The following SYF2 variants were observed in gnomAD, a reference collection of about 807,000 sequenced individuals.
The protein encoded by SYF2 is pre-mRNA-splicing factor SYF2.
In SYF2, 21 loss-of-function variants were observed where a neutral mutation model predicts 32.7. The observed-to-expected ratio is 0.64, with a 90% confidence interval of 0.45 to 0.92. The LOEUF is 0.92. Ranked by LOEUF, SYF2 falls within the 40% of genes least tolerant of loss-of-function variation. SYF2 has a pLI of 0.00. For missense variants in SYF2, 278 were observed against 296.5 expected (o/e 0.94, Z 0.46); for synonymous variants, 114 against 103.9 (o/e 1.10, Z -0.59).
chr1:25,227,407 A>G, intron 5 of SYF2, 35 bp downstream of exon 5: 1 of 1,543,882 alleles, frequency 6.5e-7, no homozygotes, highest in Non-Finnish European at 8.9e-7. Context: ...ACACACAAAT[A>G]CATCCACATC....
intron 2 of SYF2, chr1:25,231,455 T>C (rs1346799562): frequency 6.6e-6 from 1 of 152,518 alleles, no homozygotes; most frequent in East Asian, 1.9e-4. Flanking sequence ...CCTTTAGTTG[T>C]CTGGCTTTCA....
intron 1 of SYF2, 89 bp downstream of exon 1, chr1:25,232,355 C>G: frequency 6.2e-7 from 1 of 1,608,822 alleles, no homozygotes; most frequent in South Asian, 1.1e-5. Flanking sequence ...CTCCCTGAAG[C>G]GAAACTAGAC....
chr1:25,222,861 C>G lies in SYF2; in HGVS notation c.*405G>C, dbSNP rs1638435363. 6.3e-6 allele frequency: 1 copy of G among 157,742 alleles called. No homozygotes were observed. The highest frequency in any genetic ancestry group is 2.4e-5 in the African/African-American group (1 of 41,464). 9.8% of individuals were successfully genotyped at this position (157,742 alleles called of 1,614,324 possible). A position where few individuals can be genotyped will look rare whatever the true frequency, so the allele number is the denominator to read the frequency against. On this transcript the variant is annotated 3_prime_UTR_variant, in exon 7 of 7. Coordinates refer to ENST00000236273, the MANE Select transcript of SYF2 (RefSeq NM_015484.5). ...TCACTGTCCTTAGCTTTGGAGTACA[C>G]AACTCCAAGTGGCCCGAGTCTAGAC...
Position 25,222,288 on chromosome 1 carries a change from C to T in SYF2, c.*978G>A, listed in dbSNP as rs1327965549. On this transcript the variant is annotated 3_prime_UTR_variant, in exon 7 of 7. Transcript: ENST00000236273. Reference sequence around the variant, plus strand: ...TAAAATATCCCAATTAGATATTTAGCATTTAATTCAACATAGAGAAAAAAT... The same window carrying T: ...TAAAATATCCCAATTAGATATTTAGTATTTAATTCAACATAGAGAAAAAAT... Among the ~76,000 whole-genome samples the T allele has an allele frequency of 6.6e-6, 1 of 152,142 alleles. No individual in the cohort carries two copies. The highest frequency in any genetic ancestry group is 1.5e-5 in the Non-Finnish European group (1 of 68,044).
chr1:25,223,146 G>T lies in SYF2; in HGVS notation c.*120C>A. 1 of 852,590 alleles carries T rather than the reference G, an allele frequency of 1.2e-6. No individual in the cohort carries two copies. The highest frequency in any genetic ancestry group is 1.8e-6 in the Non-Finnish European group (1 of 561,926). The allele number at this position is 852,590 out of a possible 1,614,324, so 52.8% of individuals were successfully genotyped here. A position where few individuals can be genotyped will look rare whatever the true frequency, so the allele number is the denominator to read the frequency against. ...AACCACATTTTTATTTCTAAATGCT[G>T]AGTGAGAAGGCATGGACTACTAAAT... On this transcript the variant is annotated 3_prime_UTR_variant, in exon 7 of 7. Transcript: ENST00000236273.
chr1:25,232,035 C>G, intron 2 of SYF2, 69 bp downstream of exon 2: 1 of 1,477,416 alleles, frequency 6.8e-7, no homozygotes. Flanking sequence ...GTGGCTTCCT[C>G]GTCCCCTCTA....
chr1:25,225,126 C>A (rs1638481330), intron 5 of SYF2, 26 bp from the exon 6 acceptor site: 2 of 1,440,898 alleles, frequency 1.4e-6, no homozygotes, highest in Non-Finnish European at 2.0e-6. Context: ...AATGAACTTA[C>A]AGTAACACTA....
At chr1:25,225,490 T>C (rs1638490417) in intron 5 of SYF2, among the ~76,000 whole-genome samples, 1 of 151,126 alleles carries the variant, frequency 6.6e-6, no homozygotes, top group South Asian at 2.1e-4. Flanking sequence ...ATCGCCCCAC[T>C]GTGCTCCAGC....
chr1:25,229,037 A>G lies in SYF2; in HGVS notation c.219T>C (p.Ala73=). 6.2e-7 allele frequency: 1 copy of G among 1,614,014 alleles called. No homozygotes were observed. The part of the protein sequence containing the change: ...KLPANWEAKK[A]RLEWELKEEE... ...CTTCCTTTAGTTCCCACTCCAAACG[A>G]GCTTTTTTGGCTTCCCAATTTGCAG... The change falls in exon 3 of 7, where the codon GCT becomes GCC. Residue 73 remains alanine, a synonymous_variant. Transcript: ENST00000236273.
chr1:25,226,035 G>A (rs141006738), intron 5 of SYF2, among the ~76,000 whole-genome samples: 1,864 of 151,704 alleles, frequency 0.012, 34 homozygotes, highest in African/African-American at 0.042. Context: ...GCGGGCACCT[G>A]TAGTCCCAGC....
intron 2 of SYF2, chr1:25,230,325 G>C (rs1368484712): frequency 6.6e-6 from 1 of 151,860 alleles, no homozygotes; most frequent in African/African-American, 2.4e-5. Flanking sequence ...GGGTAGCAGG[G>C]AGAAGAGTCT....
chr1:25,230,860 C>T (rs1401042178), intron 2 of SYF2: 2 of 142,026 alleles, frequency 1.4e-5, no homozygotes, highest in Non-Finnish European at 3.0e-5. Flanking sequence ...CTCGCTCTGT[C>T]GCCCAGGCTG....
intron 5 of SYF2, 52 bp downstream of exon 5, chr1:25,227,386 TACAC>T (rs111662912): frequency 4.1e-5 from 55 of 1,326,134 alleles, no homozygotes; most frequent in Non-Finnish European, 5.3e-5. Flanking sequence ...TGTACATGTA[TACAC>T]ACACACACAC....
chr1:25,226,723 A>G (rs1458134191), intron 5 of SYF2, among the ~76,000 whole-genome samples: 3 of 152,212 alleles, frequency 2.0e-5, no homozygotes, highest in African/African-American at 7.2e-5. Context: ...AGTGGCTCAC[A>G]CCTGTAATCT....
intron 6 of SYF2, among the ~76,000 whole-genome samples, chr1:25,224,641 T>C (rs1432468272): frequency 1.3e-5 from 2 of 152,200 alleles, no homozygotes; most frequent in Non-Finnish European, 2.9e-5. Context: ...CCTCTATCAG[T>C]ATTAAGAAAC....
chr1:25,224,282 G>A (rs184674101), intron 6 of SYF2, among the ~76,000 whole-genome samples: 2 of 151,802 alleles, frequency 1.3e-5, no homozygotes, highest in Admixed American at 1.3e-4. Flanking sequence ...CTGAGACAGG[G>A]TCTCGCTCTG....
intron 5 of SYF2, 35 bp downstream of exon 5, chr1:25,227,407 A>T: frequency 6.5e-7 from 1 of 1,543,882 alleles, no homozygotes; most frequent in Non-Finnish European, 8.9e-7. Context: ...ACACACAAAT[A>T]CATCCACATC....
Position 25,227,493 on chromosome 1 carries a change from G to C in SYF2, c.416C>G (p.Thr139Ser). Reference sequence around the variant, plus strand: ...TTCCATGTCAGGTTTGATCTGCTTGGTCAACCGATGATACTGGCGTAACTG... The same window carrying C: ...TTCCATGTCAGGTTTGATCTGCTTGCTCAACCGATGATACTGGCGTAACTG... ...AAQLRQYHRL[T>S]KQIKPDMETY... The change falls in exon 5 of 7, where the codon ACC becomes AGC. Residue 139 changes from threonine to serine, a missense_variant. Coordinates refer to ENST00000236273, the MANE Select transcript of SYF2 (RefSeq NM_015484.5). 6.2e-7 allele frequency: 1 copy of C among 1,613,606 alleles called. No homozygotes were observed. Among genetic ancestry groups the C allele is most frequent in the Non-Finnish European group, 8.5e-7 (1 of 1,179,910 alleles).
At chr1:25,229,260 T>A in intron 2 of SYF2, 137 bp from the exon 3 acceptor site, 1 of 1,071,972 alleles carries the variant, frequency 9.3e-7, no homozygotes, top group African/African-American at 1.6e-5. Context: ...TAGAGAGCCA[T>A]CACAGGATTT....
Sources: gnomAD v4.1 joint callset for allele counts (sites outside exome capture counted in the v4.1 genomes callset) on GRCh38, gnomAD v4.1.1 for gene constraint, MANE v1.5 for transcripts, NCBI Gene and HGNC (gene_info 2026-07-23, HGNC 2026-07-21) for gene names.